The following AFF3 variants were observed in gnomAD, a reference collection of about 807,000 sequenced individuals.
The protein encoded by AFF3 is AF4/FMR2 family member 3.
Under a neutral mutation model 129.7 loss-of-function variants are expected in AFF3, and 32 were observed. The observed-to-expected ratio is 0.25, with a 90% confidence interval of 0.19 to 0.33. The LOEUF (loss-of-function observed/expected upper bound fraction) is 0.33. AFF3 is among the 10% of genes least tolerant of loss of function. The pLI is 1.00. For synonymous variants in AFF3, 644 were observed against 635.4 expected, an observed-to-expected ratio of 1.01 and a Z score of -0.20; for missense variants, 1,373 against 1,592.0, an observed-to-expected ratio of 0.86 and a Z score of 2.34.
At chr2:99,651,445 TG>T (rs981488525) in intron 12 of AFF3, among the ~76,000 whole-genome samples, 39 of 151,462 alleles carry the variant, frequency 2.6e-4, no homozygotes, top group African/African-American at 9.5e-4. Flanking sequence ...TCATGGTTAC[TG>T]TTTTTTTTTT....
chr2:99,598,965 G>A (rs1398561619), intron 14 of AFF3, among the ~76,000 whole-genome samples: 1 of 152,218 alleles, frequency 6.6e-6, no homozygotes, highest in South Asian at 2.1e-4. Flanking sequence ...TTTCTTTCCT[G>A]CAGAAAGAAC....
chr2:99,914,639 T>C lies in AFF3; in HGVS notation c.874-77115A>G, dbSNP rs1271260628. Among the ~76,000 whole-genome samples the C allele has an allele frequency of 2.0e-5, 3 of 152,202 alleles. No homozygotes were observed. The East Asian group carries it at 5.8e-4, about 29-fold the overall frequency. On this transcript the variant is annotated intron_variant, in intron 7 of 24. Coordinates refer to ENST00000672756, the MANE Select transcript of AFF3 (RefSeq NM_001386135.1). ...TTGTTAATAAACATCATGCTGGCCGTGTGCAGTGGCTCATGCCTGTAATCC... is the reference window on the plus strand; with the variant it reads ...TTGTTAATAAACATCATGCTGGCCGCGTGCAGTGGCTCATGCCTGTAATCC...
chr2:99,687,363 A>G (rs1675162331), intron 11 of AFF3, among the ~76,000 whole-genome samples: 1 of 152,236 alleles, frequency 6.6e-6, no homozygotes, highest in Non-Finnish European at 1.5e-5. Context: ...CAAGACAAGA[A>G]GAGAAATGTC....
At chr2:99,557,537 C>T (rs899202020) in intron 22 of AFF3, among the ~76,000 whole-genome samples, 1 of 152,196 alleles carries the variant, frequency 6.6e-6, no homozygotes, top group Non-Finnish European at 1.5e-5. Context: ...TGGCGGCTTA[C>T]AGAATTCAGC....
At chr2:99,978,601 A>AC (rs1368697165) in intron 7 of AFF3, among the ~76,000 whole-genome samples, 4 of 152,202 alleles carry the variant, frequency 2.6e-5, no homozygotes, top group African/African-American at 9.6e-5. Context: ...GAAGAGATGA[A>AC]CAACCACTAT....
At chr2:100,123,159 ATGTC>A (rs1692046916) in intron 2 of AFF3, among the ~76,000 whole-genome samples, 1 of 152,236 alleles carries the variant, frequency 6.6e-6, no homozygotes, top group Non-Finnish European at 1.5e-5. Flanking sequence ...TAATGCAAAA[ATGTC>A]TACCATTTGG....
Position 99,875,295 on chromosome 2 carries a change from C to T in AFF3, c.874-37771G>A, listed in dbSNP as rs112756729. Reference sequence around the variant, plus strand: ...TCCCTAGTCCTGACCACTCTCCAGGCTCTCCTCCTCCAGGGCTGCCTGTTA... The same window carrying T: ...TCCCTAGTCCTGACCACTCTCCAGGTTCTCCTCCTCCAGGGCTGCCTGTTA... On this transcript the variant is annotated intron_variant, in intron 7 of 24. Transcript: ENST00000672756. 4.6e-5 allele frequency among the ~76,000 whole-genome samples: 7 copies of T among 152,252 alleles called. No individual in the cohort carries two copies. In the South Asian group the frequency reaches 1.0e-3, roughly 23 times the overall value.
At position 99,957,538 on chromosome 2, in the gene AFF3, A is replaced by T. The variant is rs1028683953; in HGVS notation, c.873+49094T>A. On this transcript the variant is annotated intron_variant, in intron 7 of 24. Coordinates refer to ENST00000672756, the MANE Select transcript of AFF3 (RefSeq NM_001386135.1). ...AAAATGACACGGTGCAGTCACAAAG[A>T]CACCGGCCCTTTGGTGTTGGCCTAC... 2.6e-5 allele frequency among the ~76,000 whole-genome samples: 4 copies of T among 152,138 alleles called. No individual in the cohort carries two copies. The East Asian group carries it at 7.7e-4, about 29-fold the overall frequency.
intron 8 of AFF3, among the ~76,000 whole-genome samples, chr2:99,755,684 T>C (rs1304178725): frequency 6.6e-6 from 1 of 152,194 alleles, no homozygotes; most frequent in African/African-American, 2.4e-5. Flanking sequence ...ATTTTTGGCT[T>C]CACAACCCTG....
intron 4 of AFF3, among the ~76,000 whole-genome samples, chr2:100,064,845 T>G (rs1351846367): frequency 6.6e-6 from 1 of 152,254 alleles, no homozygotes; most frequent in African/African-American, 2.4e-5. Flanking sequence ...TTTTTATAAA[T>G]TCTATAGATT....
chr2:99,875,522 TAC>T (rs1692224219), intron 7 of AFF3, among the ~76,000 whole-genome samples: 1 of 152,244 alleles, frequency 6.6e-6, no homozygotes, highest in Non-Finnish European at 1.5e-5. Context: ...TTTTGGTCGC[TAC>T]CACTTGTGCT....
In AFF3 at chr2:99,944,349, G is replaced by A. The variant is rs551459723; in HGVS notation, c.873+62283C>T. On this transcript the variant is annotated intron_variant, in intron 7 of 24. Coordinates refer to ENST00000672756, the MANE Select transcript of AFF3 (RefSeq NM_001386135.1). ...ATCTGCCAAAATTGGGATTGGAGTT[G>A]AGTATATTGGGTTGAAGTTGATTAT... Among the ~76,000 whole-genome samples, 139 of 152,342 alleles carry A rather than the reference G, an allele frequency of 9.1e-4. 1 individual carries two copies. The South Asian group carries it at 0.028, about 31-fold the overall frequency.
intron 4 of AFF3, among the ~76,000 whole-genome samples, chr2:100,042,026 T>A (rs1186700297): frequency 6.6e-6 from 1 of 152,120 alleles, no homozygotes; most frequent in Non-Finnish European, 1.5e-5. Context: ...TCCAAGGCTC[T>A]CTGAGCCCAT....
chr2:99,986,606 T>G (rs572433974), intron 7 of AFF3, among the ~76,000 whole-genome samples: 24 of 152,326 alleles, frequency 1.6e-4, no homozygotes, highest in African/African-American at 5.8e-4. Flanking sequence ...ACCTGTAATT[T>G]TCAGTCAAAT....
chr2:100,007,729 C>T (rs1197381192), intron 5 of AFF3: 3 of 457,568 alleles, frequency 6.6e-6, no homozygotes, highest in African/African-American at 2.0e-5. Flanking sequence ...AATCCCAGCA[C>T]TTTGGGAGGC....
chr2:99,723,963 C>A (rs1679131800), intron 11 of AFF3, among the ~76,000 whole-genome samples: 1 of 152,124 alleles, frequency 6.6e-6, no homozygotes, highest in African/African-American at 2.4e-5. Context: ...CCGGGGATAA[C>A]TCCTCTCTTT....
intron 4 of AFF3, among the ~76,000 whole-genome samples, chr2:100,010,989 A>G (rs1682474252): frequency 6.6e-6 from 1 of 152,094 alleles, no homozygotes; most frequent in East Asian, 1.9e-4. Flanking sequence ...AGAAAACAAA[A>G]AGCAGCCGGG....
At chr2:99,557,042 A>T (rs757099341) in intron 22 of AFF3, among the ~76,000 whole-genome samples, 1 of 152,192 alleles carries the variant, frequency 6.6e-6, no homozygotes, top group Non-Finnish European at 1.5e-5. Flanking sequence ...AAAATCTCTA[A>T]AAGAATCGAT....
intron 7 of AFF3, among the ~76,000 whole-genome samples, chr2:99,840,823 C>G (rs987972159): frequency 6.6e-6 from 1 of 152,088 alleles, no homozygotes; most frequent in African/African-American, 2.4e-5. Context: ...GGCCGGGGGG[C>G]TTGATGGTCA....
Sources: allele counts gnomAD v4.1 joint callset (sites outside exome capture counted in the v4.1 genomes callset), GRCh38; gene constraint gnomAD v4.1.1; transcripts MANE v1.5; gene names NCBI Gene and HGNC (gene_info 2026-07-23, HGNC 2026-07-21).